CSTF2: variants seen among roughly 807,000 people sequenced by gnomAD.
CSTF2 encodes the protein cleavage stimulation factor subunit 2, also known as CF-1 64 kDa subunit.
CSTF2 carries 8 observed loss-of-function variants against 45.4 expected under a neutral mutation model. The observed-to-expected ratio is 0.18, with a 90% CI of 0.10 to 0.32. The LOEUF is 0.32. Among genes scored for constraint, CSTF2 ranks in the 10% least tolerant of loss-of-function variants. The probability of loss-of-function intolerance (pLI) is 1.00; values close to 1 mark genes in which losing one functional copy is unlikely to be tolerated. For missense variants in CSTF2, 253 were observed against 477.1 expected (o/e 0.53, Z 4.38); for synonymous variants, 155 against 158.9 (o/e 0.98, Z 0.18).
intron 8 of CSTF2, 133 bp from the exon 9 acceptor site, chrX:100,831,382 A>C: frequency 1.4e-6 from 1 of 713,157 alleles, no homozygotes; most frequent in Non-Finnish European, 2.2e-6. Flanking sequence ...CTTGAGCTGC[A>C]AGAGGATTCT....
chrX:100,831,777 C>A, intron 9 of CSTF2, 121 bp downstream of exon 9: 1 of 708,044 alleles, frequency 1.4e-6, no homozygotes, highest in Non-Finnish European at 2.2e-6. Context: ...GATCAATATT[C>A]ATGGCCACTG....
chrX:100,833,895 C>T (rs1441182709), intron 11 of CSTF2, among the ~76,000 whole-genome samples: 1 of 111,930 alleles, frequency 8.9e-6, no homozygotes, highest in Non-Finnish European at 1.9e-5. Flanking sequence ...CTAATGTGAA[C>T]CCTGACTGGG....
chrX:100,833,394 C>T lies in CSTF2; in HGVS notation c.1422C>T (p.Pro474=). The change falls in exon 11 of 14, where the codon CCC becomes CCT. Residue 474 remains proline (P), a synonymous_variant. Coordinates refer to ENST00000372972, the MANE Select transcript of CSTF2 (RefSeq NM_001325.3). ...ATACCAGAGGCCCAGTGCCTGGCCC[C>T]AGAGGACCTATACCTAGTGGAATGC... The part of the protein sequence containing the change: ...GMDTRGPVPG[P]RGPIPSGMQG... 1 of 1,208,905 alleles carries T rather than the reference C, an allele frequency of 8.3e-7. No homozygotes were observed. The highest frequency in any genetic ancestry group is 1.1e-6 in the Non-Finnish European group (1 of 894,063).
intron 1 of CSTF2, among the ~76,000 whole-genome samples, chrX:100,820,805 A>G (rs1399800077): frequency 8.9e-6 from 1 of 112,066 alleles, no homozygotes; most frequent in Non-Finnish European, 1.9e-5. Context: ...CTGCCCCAGA[A>G]TACAGACTAT....
intron 11 of CSTF2, among the ~76,000 whole-genome samples, chrX:100,835,775 A>G (rs1412722330): frequency 9.0e-6 from 1 of 111,057 alleles, no homozygotes; most frequent in African/African-American, 3.3e-5. Context: ...ATGTATGGTC[A>G]CTTTTGCTAG....
intron 8 of CSTF2, among the ~76,000 whole-genome samples, chrX:100,830,551 T>C (rs2084969035): frequency 9.0e-6 from 1 of 111,709 alleles, no homozygotes; most frequent in South Asian, 3.8e-4. Context: ...AATGTCAGGT[T>C]ATTCCCACCT....
intron 8 of CSTF2, among the ~76,000 whole-genome samples, chrX:100,829,315 C>T (rs1413733927): frequency 1.8e-5 from 2 of 110,696 alleles, no homozygotes; most frequent in African/African-American, 6.6e-5. Context: ...CATGGCAAAA[C>T]CCCGTCTCTA....
chrX:100,833,801 C>T (rs988102914), intron 11 of CSTF2, among the ~76,000 whole-genome samples: 4 of 111,796 alleles, frequency 3.6e-5, no homozygotes, highest in Non-Finnish European at 7.5e-5. Flanking sequence ...TATACTTGCC[C>T]GGATCTCATC....
intron 9 of CSTF2, among the ~76,000 whole-genome samples, chrX:100,832,233 A>C: frequency 8.9e-6 from 1 of 111,740 alleles, no homozygotes; most frequent in Admixed American, 9.5e-5. Context: ...TAAATAAATA[A>C]ATAAAATAAT....
At chrX:100,826,501 A>G (rs931721491) in intron 6 of CSTF2, 133 bp from the exon 7 acceptor site, 3 of 548,482 alleles carry the variant, frequency 5.5e-6, no homozygotes, top group African/African-American at 2.3e-5. Context: ...GCTGCATAAG[A>G]CATGCCATAC....
intron 6 of CSTF2, among the ~76,000 whole-genome samples, chrX:100,825,119 T>TAA (rs1040469519): frequency 2.7e-5 from 3 of 112,066 alleles, no homozygotes; most frequent in African/African-American, 9.7e-5. Flanking sequence ...TGCAAAATAA[T>TAA]ATATTGAGTA....
chrX:100,824,389 TC>T, intron 6 of CSTF2, 132 bp downstream of exon 6: 1 of 733,679 alleles, frequency 1.4e-6, no homozygotes, highest in Non-Finnish European at 1.9e-6. Context: ...AAAAGCAATT[TC>T]CAGGTTGCAG....
chrX:100,837,926 G>A (rs1238166841), intron 12 of CSTF2, among the ~76,000 whole-genome samples: 1 of 112,161 alleles, frequency 8.9e-6, no homozygotes, highest in Non-Finnish European at 1.9e-5. Context: ...AGGGCTCACA[G>A]ATACCATCTT....
chrX:100,828,449 T>G (rs1602368404), intron 8 of CSTF2, among the ~76,000 whole-genome samples: 1 of 112,231 alleles, frequency 8.9e-6, no homozygotes, highest in Admixed American at 9.4e-5. Context: ...GTTTCCTGAT[T>G]CCTAGTCTAA....
chrX:100,839,978 A>G (rs1295327728), intron 13 of CSTF2, among the ~76,000 whole-genome samples: 1 of 111,739 alleles, frequency 8.9e-6, no homozygotes, highest in Non-Finnish European at 1.9e-5. Flanking sequence ...ATAATCATAG[A>G]CTCAAGGAAA....
At chrX:100,833,049 A>G (rs1026487820) in intron 10 of CSTF2, 131 bp from the exon 11 acceptor site, 12 of 963,222 alleles carry the variant, frequency 1.2e-5, no homozygotes, top group South Asian at 9.9e-5. Context: ...GGAGGAGACA[A>G]TAGTCTCATA....
rs1172491407 is a variant in CSTF2 at position 100,831,600 on chromosome X, T to C, written c.975T>C (p.Ala325=). 8.3e-7 allele frequency: 1 copy of C among 1,211,120 alleles called. No individual in the cohort carries two copies. Among genetic ancestry groups the C allele is most frequent in the Admixed American group, 2.2e-5 (1 of 46,031 alleles). ...VPTPRGLLGD[A]PNDPRGGTLL... ...CCCCTCGAGGCTTGTTAGGAGATGC[T>C]CCGAATGATCCACGGGGAGGCACTT... is the stretch of plus-strand genomic sequence containing the variant. Residue 325 remains alanine, a synonymous_variant, in exon 9 of 14, where the codon GCT becomes GCC. Transcript: ENST00000372972.
At chrX:100,831,710 C>T in intron 9 of CSTF2, 54 bp downstream of exon 9, 1 of 1,159,572 alleles carries the variant, frequency 8.6e-7, no homozygotes, top group Non-Finnish European at 1.2e-6. Flanking sequence ...GTCCCTTCTT[C>T]CCTGAGAACA....
At chrX:100,831,331 C>T (rs2084974261) in intron 8 of CSTF2, among the ~76,000 whole-genome samples, 184 bp from the exon 9 acceptor site, 1 of 112,168 alleles carries the variant, frequency 8.9e-6, no homozygotes, top group Admixed American at 9.4e-5. Flanking sequence ...CCATCCATAC[C>T]TCTGACATGG....
Sources: allele counts gnomAD v4.1 joint callset (sites outside exome capture counted in the v4.1 genomes callset), GRCh38; gene constraint gnomAD v4.1.1; transcripts MANE v1.5; gene names NCBI Gene and HGNC (gene_info 2026-07-23, HGNC 2026-07-21).